TAF4: variants seen among roughly 807,000 people sequenced by gnomAD.
TAF4 encodes the protein TATA-box binding protein associated factor 4.
TAF4 carries 9 observed loss-of-function variants against 90.3 expected under a neutral mutation model. The ratio of observed to expected loss-of-function variants is 0.10; its 90% CI spans 0.06 to 0.17. The LOEUF (loss-of-function observed/expected upper bound fraction) is 0.17. Ranked by LOEUF, TAF4 falls within the 10% of genes least tolerant of loss-of-function variation. The probability of loss-of-function intolerance (pLI) is 1.00; values close to 1 mark genes in which losing one functional copy is unlikely to be tolerated. For synonymous variants in TAF4, 818 were observed against 638.9 expected (o/e 1.28, Z -4.23); for missense variants, 1,351 against 1,370.7 (o/e 0.99, Z 0.23).
intron 1 of TAF4, among the ~76,000 whole-genome samples, chr20:62,041,773 A>C (rs2055965071): frequency 6.6e-6 from 1 of 152,008 alleles, no homozygotes; most frequent in Non-Finnish European, 1.5e-5. Context: ...TCTCTAAAAA[A>C]AAAAAAAATT....
chr20:62,009,547 C>G (rs990262775), intron 4 of TAF4, among the ~76,000 whole-genome samples: 2 of 152,328 alleles, frequency 1.3e-5, no homozygotes, highest in East Asian at 3.9e-4. Context: ...ACTAAAGCAA[C>G]GAAAAGTACG....
chr20:62,016,708 A>G (rs1001549854), intron 1 of TAF4, among the ~76,000 whole-genome samples: 3 of 152,194 alleles, frequency 2.0e-5, no homozygotes, highest in Admixed American at 1.3e-4. Flanking sequence ...CTGAGAGTCA[A>G]TTCTCCTAAT....
chr20:61,982,156 AAACTCACACCCCACCC>A (rs2055548555), intron 14 of TAF4, among the ~76,000 whole-genome samples: 10 of 99,442 alleles, frequency 1.0e-4, no homozygotes, highest in Non-Finnish European at 1.4e-4. Context: ...AAGAGACACC[AAACTCACACCCCACCC>A]GAGAGGAGAC....
chr20:62,065,463 G>T lies in TAF4; in HGVS notation c.348C>A (p.Pro116=). The T allele has an allele frequency of 1.0e-6, 1 of 976,346 alleles. No individual in the cohort carries two copies. Among genetic ancestry groups the T allele is most frequent in the South Asian group, 4.6e-5 (1 of 21,916 alleles). The allele number at this position is 976,346 out of a possible 1,614,324, so 60.5% of individuals were successfully genotyped here. ...GPPSPRRPLV[P]AGPAPPAAKL... is the part of the protein sequence containing the mutation. ...TCGCGGCGGGCGGCGCGGGCCCTGC[G>T]GGGACAAGGGGGCGGCGCGGTGAGG... The change falls in exon 1 of 15, where the codon CCC becomes CCA. Residue 116 remains proline (P), a synonymous_variant. Coordinates refer to ENST00000252996, the MANE Select transcript of TAF4 (RefSeq NM_003185.4).
rs772981637 is a variant in TAF4, at chr20:62,064,660, G to A, written c.1151C>T (p.Pro384Leu). The change falls in exon 1 of 15, where the codon CCC becomes CTC. Residue 384 changes from proline to leucine, a missense_variant. Transcript: ENST00000252996. ...VIGPTMQGALPSPAAVPPPAP... is the reference protein window; with the variant it reads ...VIGPTMQGALLSPAAVPPPAP... ...GGGCGGCGGGACGGCGGCCGGGCTG[G>A]GCAGCGCCCCTTGCATAGTTGGCCC... 4.4e-5 allele frequency: 57 copies of A among 1,303,722 alleles called. 1 individual carries two copies. The highest frequency in any genetic ancestry group is 4.9e-5 in the Non-Finnish European group (51 of 1,032,544). 80.8% of individuals were successfully genotyped at this position (1,303,722 alleles called of 1,614,324 possible).
intron 14 of TAF4, among the ~76,000 whole-genome samples, chr20:61,994,182 C>T (rs1358518050): frequency 2.0e-5 from 3 of 152,074 alleles, no homozygotes; most frequent in African/African-American, 4.8e-5. Context: ...GTGCTCTTCT[C>T]GATATATGTT....
Position 62,065,142 on chromosome 20 carries a change from G to A in TAF4, c.669C>T (p.Ala223=). The change falls in exon 1 of 15, where the codon GCC becomes GCT. Residue 223 remains alanine (A), a synonymous_variant. Coordinates refer to ENST00000252996, the MANE Select transcript of TAF4 (RefSeq NM_003185.4). ...PAVSLVNNGP[A]ALLPLPKPAA... Reference sequence around the variant, plus strand: ...CGGGCTTGGGCAGCGGCAGCAGCGCGGCGGGCCCGTTGTTGACCAGGCTGA... The same window carrying A: ...CGGGCTTGGGCAGCGGCAGCAGCGCAGCGGGCCCGTTGTTGACCAGGCTGA... 3.4e-6 allele frequency: 4 copies of A among 1,191,956 alleles called. No homozygotes were observed. Among genetic ancestry groups the A allele is most frequent in the Non-Finnish European group, 3.2e-6 (3 of 938,388 alleles). The allele number at this position is 1,191,956 out of a possible 1,614,324, so 73.8% of individuals were successfully genotyped here.
intron 1 of TAF4, among the ~76,000 whole-genome samples, chr20:62,036,196 T>A (rs1278804673): frequency 6.6e-6 from 1 of 152,204 alleles, no homozygotes; most frequent in East Asian, 1.9e-4. Flanking sequence ...GCTAATTTTT[T>A]GTATTTTTAG....
chr20:62,040,886 C>G (rs1387172954), intron 1 of TAF4, among the ~76,000 whole-genome samples: 3 of 152,252 alleles, frequency 2.0e-5, no homozygotes, highest in Admixed American at 2.0e-4. Context: ...AAGGCTTGAA[C>G]ACAAATGTTC....
intron 1 of TAF4, among the ~76,000 whole-genome samples, chr20:62,054,600 A>G (rs1281190101): frequency 3.3e-5 from 5 of 151,742 alleles, no homozygotes; most frequent in Non-Finnish European, 5.9e-5. Flanking sequence ...CCTTCCTGCA[A>G]CCTCCTCCAC....
chr20:61,978,956 T>A (rs1214675236), intron 14 of TAF4: 2 of 153,262 alleles, frequency 1.3e-5, no homozygotes, highest in Non-Finnish European at 2.9e-5. Context: ...CAATTGCCTT[T>A]CTCTACATGG....
chr20:62,020,883 G>A (rs2055838974), intron 1 of TAF4, among the ~76,000 whole-genome samples: 1 of 152,204 alleles, frequency 6.6e-6, no homozygotes, highest in African/African-American at 2.4e-5. Flanking sequence ...CACAACAGGT[G>A]ATCAACAGAA....
intron 3 of TAF4, chr20:62,011,958 G>A (rs903194904): frequency 1.3e-5 from 2 of 152,398 alleles, no homozygotes; most frequent in African/African-American, 4.8e-5. Context: ...CTCACCAGGT[G>A]CGTCTGACCG....
intron 14 of TAF4, among the ~76,000 whole-genome samples, chr20:61,990,603 G>A (rs937087008): frequency 3.9e-5 from 6 of 152,194 alleles, no homozygotes; most frequent in Admixed American, 2.6e-4. Context: ...TCCAAGAGCC[G>A]CAGTCAAACC....
At chr20:62,008,360 C>A (rs1196638717) in intron 5 of TAF4, among the ~76,000 whole-genome samples, 2 of 152,178 alleles carry the variant, frequency 1.3e-5, no homozygotes, top group Non-Finnish European at 2.9e-5. Flanking sequence ...CCACTGACGC[C>A]AGCACAGCCC....
chr20:62,049,605 A>C, intron 1 of TAF4, among the ~76,000 whole-genome samples: 1 of 104,490 alleles, frequency 9.6e-6, no homozygotes, highest in East Asian at 2.2e-4. Context: ...ACACCTGCAG[A>C]GAAGCACCAC....
intron 1 of TAF4, among the ~76,000 whole-genome samples, chr20:62,044,094 T>G (rs1301817315): frequency 1.3e-5 from 2 of 152,238 alleles, no homozygotes; most frequent in East Asian, 3.8e-4. Context: ...ATATGCTTTT[T>G]GCCTTGGCAG....
Position 61,997,535 on chromosome 20 carries a change from A to G in TAF4, c.3090+15T>C. On this transcript the variant is annotated intron_variant, in intron 14 of 14. Transcript: ENST00000252996. The stretch of plus-strand genomic sequence containing the variant: ...ATGTTTCCCCCAGGACCTCGATCCC[A>G]CAACACTGCCGTACCTCTGCTCCTG... 6.4e-7 allele frequency: 1 copy of G among 1,566,582 alleles called. No individual in the cohort carries two copies. Among genetic ancestry groups the G allele is most frequent in the Non-Finnish European group, 8.6e-7 (1 of 1,158,862 alleles).
At chr20:62,029,913 C>CA (rs1278354661) in intron 1 of TAF4, among the ~76,000 whole-genome samples, 5 of 151,680 alleles carry the variant, frequency 3.3e-5, no homozygotes, top group South Asian at 2.1e-4. Context: ...TCAAAAAAAA[C>CA]AAAAAAAAGA....
Sources: gnomAD v4.1 joint callset for allele counts (sites outside exome capture counted in the v4.1 genomes callset) on GRCh38, gnomAD v4.1.1 for gene constraint, MANE v1.5 for transcripts, NCBI Gene and HGNC (gene_info 2026-07-23, HGNC 2026-07-21) for gene names.